CSGALNACT1: variants seen among roughly 807,000 people sequenced by gnomAD.
CSGALNACT1 encodes beta4GalNAcT-1.
Under a neutral mutation model 51.0 loss-of-function variants are expected in CSGALNACT1, and 52 were observed. The observed-to-expected ratio is 1.02, with a 90% confidence interval of 0.82 to 1.29. CSGALNACT1 has a LOEUF of 1.29. Ranked by LOEUF, CSGALNACT1 falls within the 50% of genes most tolerant of loss-of-function variation. CSGALNACT1 has a pLI of 0.00. For synonymous variants in CSGALNACT1, 341 were observed against 254.4 expected (o/e 1.34, Z -3.24); for missense variants, 935 against 679.2 (o/e 1.38, Z -4.19).
At chr8:19,603,117 TAA>T (rs35440306), upstream of CSGALNACT1, among the ~76,000 whole-genome samples, 12 of 102,056 alleles carry the variant, frequency 1.2e-4, no homozygotes, top group Admixed American at 2.0e-4. Flanking sequence ...ATGCAGGAAT[TAA>T]AAAAAAAAAA....
intron 5 of CSGALNACT1, among the ~76,000 whole-genome samples, chr8:19,441,479 T>C (rs2061324103): frequency 1.3e-5 from 2 of 152,254 alleles, no homozygotes. Flanking sequence ...AAGGATTCCC[T>C]ACTTAATAAA....
rs2065419601 is a variant in CSGALNACT1 at position 19,461,611 on chromosome 8, TTCACCATGGGGGGCGTATCC to T, written c.635-2989_635-2970del. Among the ~76,000 whole-genome samples, 6 of 133,042 alleles carry T rather than the reference TTCACCATGGGGGGCGTATCC, an allele frequency of 4.5e-5. 1 individual carries two copies. The highest frequency in any genetic ancestry group is 9.6e-5 in the Non-Finnish European group (6 of 62,178). The allele number at this position is 133,042 out of a possible 152,430, so 87.3% of individuals were successfully genotyped here. A position where few individuals can be genotyped will look rare whatever the true frequency, so the allele number is the denominator to read the frequency against. ...GGGGCGTATCCGCACAGCGGCCACA[TTCACCATGGGGGGCGTATCC>T]GCACAGCGGCCACATTCACCATGGG... On this transcript the variant is annotated intron_variant, in intron 4 of 9. Transcript: ENST00000454498.
At chr8:19,532,859 G>A (rs530628542) in intron 3 of CSGALNACT1, among the ~76,000 whole-genome samples, 25 of 152,250 alleles carry the variant, frequency 1.6e-4, no homozygotes, top group African/African-American at 6.0e-4. Context: ...CCACTTCTCT[G>A]TACTACAGGT....
At chr8:19,482,185 C>T (rs1034022083) in intron 4 of CSGALNACT1, among the ~76,000 whole-genome samples, 1 of 152,152 alleles carries the variant, frequency 6.6e-6, no homozygotes, top group Non-Finnish European at 1.5e-5. Context: ...ACAGAATGTT[C>T]GGTGATAATG....
At chr8:19,707,527 C>G (rs748319951) in intron 1 of CSGALNACT1, among the ~76,000 whole-genome samples, 1 of 152,064 alleles carries the variant, frequency 6.6e-6, no homozygotes, top group Non-Finnish European at 1.5e-5. Flanking sequence ...CAGTACATGC[C>G]TAGAGTAAAA....
At position 19,405,029 on chromosome 8, in the gene CSGALNACT1, A is replaced by C. The variant is rs768907520; in HGVS notation, c.*751T>G. ...TTGATGCTTTGAACTGAAAGTTCTC[A>C]TAATGCATCTCAAAGTATCTTCTTA... On this transcript the variant is annotated 3_prime_UTR_variant, in exon 10 of 10. Coordinates refer to ENST00000454498, the Ensembl canonical transcript of CSGALNACT1. The C allele has an allele frequency of 1.3e-5, 6 of 453,570 alleles. No individual in the cohort carries two copies. In the Admixed American group the frequency reaches 1.4e-4, roughly 11 times the overall value. The allele number at this position is 453,570 out of a possible 1,614,324, so 28.1% of individuals were successfully genotyped here. A position where few individuals can be genotyped will look rare whatever the true frequency, so the allele number is the denominator to read the frequency against.
chr8:19,593,052 C>T (rs1250882730), intron 2 of CSGALNACT1, among the ~76,000 whole-genome samples: 1 of 152,158 alleles, frequency 6.6e-6, no homozygotes, highest in African/African-American at 2.4e-5. Flanking sequence ...GAAATTATTT[C>T]CAAATATTTT....
At chr8:19,644,275 CTTATT>C (rs1360506077) in intron 1 of CSGALNACT1, among the ~76,000 whole-genome samples, 1 of 151,776 alleles carries the variant, frequency 6.6e-6, no homozygotes, top group Non-Finnish European at 1.5e-5. Flanking sequence ...TTATAGGTAA[CTTATT>C]TTATTCTTCA....
chr8:19,427,425 C>T (rs550130876), intron 6 of CSGALNACT1, among the ~76,000 whole-genome samples: 12 of 152,136 alleles, frequency 7.9e-5, no homozygotes, highest in Non-Finnish European at 1.8e-4. Context: ...ACAAATTTGC[C>T]GATGCACAGG....
At chr8:19,593,890 T>C (rs2048348436) in intron 2 of CSGALNACT1, among the ~76,000 whole-genome samples, 1 of 152,178 alleles carries the variant, frequency 6.6e-6, no homozygotes, top group African/African-American at 2.4e-5. Context: ...TTCTCAACCT[T>C]GTGCTGAAAC....
intron 4 of CSGALNACT1, among the ~76,000 whole-genome samples, chr8:19,472,310 C>A (rs577882831): frequency 2.6e-5 from 4 of 152,244 alleles, no homozygotes; most frequent in East Asian, 1.9e-4. Flanking sequence ...CAGGCAGAAG[C>A]AATAAGCAGG....
chr8:19,689,438 C>G (rs2061166365), intron 1 of CSGALNACT1, among the ~76,000 whole-genome samples: 1 of 152,268 alleles, frequency 6.6e-6, no homozygotes, highest in East Asian at 1.9e-4. Flanking sequence ...GCATGGAACC[C>G]AAACCTTCCA....
intron 1 of CSGALNACT1, among the ~76,000 whole-genome samples, chr8:19,607,646 G>A (rs897367905): frequency 1.3e-5 from 2 of 152,186 alleles, no homozygotes; most frequent in Non-Finnish European, 2.9e-5. Flanking sequence ...GCCTAATGAG[G>A]CCTGAACAGT....
intron 3 of CSGALNACT1, among the ~76,000 whole-genome samples, chr8:19,584,247 C>T (rs2046182720): frequency 1.3e-5 from 2 of 152,148 alleles, no homozygotes; most frequent in Non-Finnish European, 2.9e-5. Context: ...TCTTGTGATC[C>T]CTAAGCCTGA....
At chr8:19,540,974 G>C (rs2084970390) in intron 3 of CSGALNACT1, among the ~76,000 whole-genome samples, 1 of 152,132 alleles carries the variant, frequency 6.6e-6, no homozygotes, top group East Asian at 1.9e-4. Flanking sequence ...CCTGTCCCCA[G>C]ACTGTAGGTC....
rs1190194451 is a variant in CSGALNACT1 at position 19,498,875 on chromosome 8, A to T, written c.634+6326T>A. On this transcript the variant is annotated intron_variant, in intron 4 of 9. Transcript: ENST00000454498. Reference sequence around the variant, plus strand: ...ATGCCTGTAATCTCAATGCTTTGGGATGCCAAGGTGGGAGGATCACTTGAG... The same window carrying T: ...ATGCCTGTAATCTCAATGCTTTGGGTTGCCAAGGTGGGAGGATCACTTGAG... 1.3e-5 allele frequency among the ~76,000 whole-genome samples: 2 copies of T among 152,232 alleles called. 1 individual carries two copies. The highest frequency in any genetic ancestry group is 4.1e-4 in the South Asian group (2 of 4,834).
intron 4 of CSGALNACT1, among the ~76,000 whole-genome samples, chr8:19,471,183 A>G (rs908138892): frequency 6.6e-6 from 1 of 152,162 alleles, no homozygotes; most frequent in South Asian, 2.1e-4. Context: ...ACTCCACCGG[A>G]AAAGGGAAGA....
chr8:19,633,273 G>A (rs2055553193), intron 1 of CSGALNACT1, among the ~76,000 whole-genome samples: 4 of 152,094 alleles, frequency 2.6e-5, no homozygotes, highest in Admixed American at 2.6e-4. Flanking sequence ...TACAGTATGA[G>A]TCATTTGATT....
chr8:19,610,798 G>C (rs1210160347), intron 1 of CSGALNACT1, among the ~76,000 whole-genome samples: 1 of 152,244 alleles, frequency 6.6e-6, no homozygotes, highest in African/African-American at 2.4e-5. Flanking sequence ...ACCAAGGCAA[G>C]AAACCGGGAT....
Sources: gnomAD v4.1 joint callset for allele counts (sites outside exome capture counted in the v4.1 genomes callset) on GRCh38, gnomAD v4.1.1 for gene constraint, MANE v1.5 for transcripts, NCBI Gene and HGNC (gene_info 2026-07-23, HGNC 2026-07-21) for gene names.